SEC24A: variants seen among roughly 807,000 people sequenced by gnomAD.
SEC24A encodes SEC24 homolog A, COPII component, also known as protein transport protein Sec24A.
A neutral mutation model predicts 129.4 loss-of-function variants in SEC24A; 93 were observed. The ratio of observed to expected loss-of-function variants is 0.72; its 90% CI spans 0.61 to 0.85. The LOEUF (loss-of-function observed/expected upper bound fraction) is 0.85. Among genes scored for constraint, SEC24A ranks in the 40% least tolerant of loss-of-function variants. SEC24A has a pLI of 0.00. For synonymous variants in SEC24A, 460 were observed against 467.3 expected (o/e 0.98, Z 0.20); for missense variants, 1,264 against 1,307.4 (o/e 0.97, Z 0.51).
rs1287125641 is a variant in SEC24A at position 134,705,348 on chromosome 5, A to G, written c.2462A>G (p.His821Arg). Reference sequence around the variant, plus strand: ...AAAGGCGAAAGAAGAATTCGTGTTCATACTTTGTGTTTGCCAGTAGTTTCG... The same window carrying G: ...AAAGGCGAAAGAAGAATTCGTGTTCGTACTTTGTGTTTGCCAGTAGTTTCG... ...SSKGERRIRV[H>R]TLCLPVVSTL... is the part of the protein sequence containing the mutation. Residue 821 changes from histidine (H) to arginine (R), a missense_variant, in exon 17 of 23, where the codon CAT (histidine) becomes CGT (arginine). Coordinates refer to ENST00000398844, the MANE Select transcript of SEC24A (RefSeq NM_021982.3). 2.5e-6 allele frequency: 4 copies of G among 1,613,532 alleles called. No homozygotes were observed. The highest frequency in any genetic ancestry group is 1.7e-4 in the Middle Eastern group (1 of 6,058).
intron 18 of SEC24A, among the ~76,000 whole-genome samples, chr5:134,710,046 T>C (rs1752274995): frequency 6.6e-6 from 1 of 151,346 alleles, no homozygotes; most frequent in Admixed American, 6.6e-5. Context: ...ATTACAAGTG[T>C]GTGCCACTAT....
intron 18 of SEC24A, among the ~76,000 whole-genome samples, chr5:134,714,003 C>T (rs1056858819): frequency 6.6e-6 from 1 of 151,508 alleles, no homozygotes. Context: ...GATCAAACCA[C>T]TACACTCCAG....
At chr5:134,724,183 G>T (rs377101619) in intron 22 of SEC24A, among the ~76,000 whole-genome samples, 1 of 152,062 alleles carries the variant, frequency 6.6e-6, no homozygotes, top group Non-Finnish European at 1.5e-5. Flanking sequence ...ACTTATATGA[G>T]TTCAACTTTT....
At chr5:134,688,820 C>T (rs1751538064) in intron 11 of SEC24A, among the ~76,000 whole-genome samples, 1 of 152,098 alleles carries the variant, frequency 6.6e-6, no homozygotes, top group Non-Finnish European at 1.5e-5. Flanking sequence ...GCTGGGACAA[C>T]AGGCATGCAA....
chr5:134,719,007 G>C (rs1752556806), intron 20 of SEC24A, among the ~76,000 whole-genome samples: 1 of 151,294 alleles, frequency 6.6e-6, no homozygotes. Context: ...AATGCTTATA[G>C]AATAATGATA....
Position 134,665,708 on chromosome 5 carries a change from C to G in SEC24A, c.566-1115C>G, listed in dbSNP as rs1342562961. ...AGTAGCTGGGATTACAGGTGCCCAC[C>G]ACCACACCTGGCTAATTTTTTGTAT... On this transcript the variant is annotated intron_variant, in intron 2 of 22. Coordinates refer to ENST00000398844, the MANE Select transcript of SEC24A (RefSeq NM_021982.3). Among the ~76,000 whole-genome samples the G allele has an allele frequency of 5.3e-5, 8 of 152,028 alleles. No homozygotes were observed. In the East Asian group the frequency reaches 7.8e-4, roughly 15 times the overall value.
At chr5:134,660,772 G>T (rs539145557) in intron 1 of SEC24A, among the ~76,000 whole-genome samples, 18 of 152,162 alleles carry the variant, frequency 1.2e-4, no homozygotes, top group African/African-American at 4.3e-4. Context: ...GCCCAGGCTG[G>T]TCTTGAACTC....
Position 134,727,809 on chromosome 5 carries a change from TA to T in SEC24A, c.*2729del, listed in dbSNP as rs75553085. ...GTAATTTTCACTGTTTTATTCCTGT[TA>T]AAAAAAAAAAAAAGTCATTTGTAAC... On this transcript the variant is annotated 3_prime_UTR_variant, in exon 23 of 23. Transcript: ENST00000398844. The T allele has an allele frequency of 0.01, 1,460 of 143,264 alleles. 2 individuals are homozygous for T. The highest frequency in any genetic ancestry group is 0.013 in the Non-Finnish European group (818 of 64,946). The allele number at this position is 143,264 out of a possible 1,614,324, so 8.9% of individuals were successfully genotyped here.
intron 11 of SEC24A, 85 bp downstream of exon 11, chr5:134,688,384 G>A (rs1465451999): frequency 3.7e-6 from 3 of 809,980 alleles, no homozygotes; most frequent in African/African-American, 3.4e-5. Context: ...TGTGTTGTTT[G>A]TAGTATGTCA....
chr5:134,674,377 A>G (rs1750977252), intron 4 of SEC24A, among the ~76,000 whole-genome samples: 1 of 152,188 alleles, frequency 6.6e-6, no homozygotes, highest in Non-Finnish European at 1.5e-5. Flanking sequence ...TCTACAAAAC[A>G]TACAAAAACA....
chr5:134,684,117 A>G (rs1193780979), intron 9 of SEC24A, among the ~76,000 whole-genome samples: 1 of 151,950 alleles, frequency 6.6e-6, no homozygotes, highest in African/African-American at 2.4e-5. Flanking sequence ...AGCCTGGCCA[A>G]CATGGTAAAA....
intron 20 of SEC24A, 113 bp from the exon 21 acceptor site, chr5:134,720,885 G>A: frequency 1.8e-6 from 1 of 564,702 alleles, no homozygotes; most frequent in Non-Finnish European, 3.1e-6. Context: ...CTGGGTGACA[G>A]AGTGAGACCC....
intron 2 of SEC24A, among the ~76,000 whole-genome samples, chr5:134,662,145 TATTTA>T (rs759443897): frequency 2.0e-5 from 3 of 151,774 alleles, no homozygotes; most frequent in Non-Finnish European, 4.4e-5. Flanking sequence ...TTATTTATTT[TATTTA>T]TTTATTATTT....
chr5:134,714,856 A>G (rs1752432153), intron 18 of SEC24A, among the ~76,000 whole-genome samples, 168 bp from the exon 19 acceptor site: 1 of 152,216 alleles, frequency 6.6e-6, no homozygotes, highest in Non-Finnish European at 1.5e-5. Context: ...GGCTATAGCT[A>G]CAGTTTAATA....
At chr5:134,668,337 C>A (rs901079183) in intron 3 of SEC24A, among the ~76,000 whole-genome samples, 1 of 151,662 alleles carries the variant, frequency 6.6e-6, no homozygotes, top group Non-Finnish European at 1.5e-5. Context: ...GCCTTCAATC[C>A]TGACACTTTG....
rs1399125975 is a variant in SEC24A, at chr5:134,648,917, G to A, written c.-160G>A. 9.4e-6 allele frequency: 5 copies of A among 529,146 alleles called. No individual in the cohort carries two copies. In the African/African-American group the frequency reaches 1.0e-4, roughly 11 times the overall value. The allele number at this position is 529,146 out of a possible 1,614,324, so 32.8% of individuals were successfully genotyped here. A position where few individuals can be genotyped will look rare whatever the true frequency, so the allele number is the denominator to read the frequency against. Reference sequence around the variant, plus strand: ...GCTGTGGCCGCCGGTGGCCTGGGGAGAGTGCGGCGCCATGCCTCGGGCTTA... The same window carrying A: ...GCTGTGGCCGCCGGTGGCCTGGGGAAAGTGCGGCGCCATGCCTCGGGCTTA... On this transcript the variant is annotated 5_prime_UTR_variant, in exon 1 of 23. Coordinates refer to ENST00000398844, the MANE Select transcript of SEC24A (RefSeq NM_021982.3).
intron 3 of SEC24A, among the ~76,000 whole-genome samples, chr5:134,671,487 A>G (rs534898144): frequency 3.3e-5 from 5 of 152,308 alleles, no homozygotes; most frequent in South Asian, 4.1e-4. Flanking sequence ...TAAACTTCAT[A>G]AAGAACCATC....
intron 2 of SEC24A, 78 bp from the exon 3 acceptor site, chr5:134,666,745 C>A: frequency 8.8e-7 from 1 of 1,134,532 alleles, no homozygotes; most frequent in Admixed American, 1.9e-5. Flanking sequence ...TTGGAAGTTA[C>A]TCAGCTTTGG....
At chr5:134,667,117 G>T in intron 3 of SEC24A, 121 bp downstream of exon 3, 1 of 811,376 alleles carries the variant, frequency 1.2e-6, no homozygotes, top group South Asian at 2.2e-5. Context: ...TTTTGGTTAG[G>T]GATGGGCTAC....
Sources: allele counts gnomAD v4.1 joint callset (sites outside exome capture counted in the v4.1 genomes callset), GRCh38; gene constraint gnomAD v4.1.1; transcripts MANE v1.5; gene names NCBI Gene and HGNC (gene_info 2026-07-23, HGNC 2026-07-21).